Variants in EIF4E3 observed in about 807,000 individuals in gnomAD.
The protein encoded by EIF4E3 is eukaryotic translation initiation factor 4E family member 3, also known as eukaryotic translation initiation factor 4E type 3.
Under a neutral mutation model 31.7 loss-of-function variants are expected in EIF4E3, and 26 were observed. That is an observed-to-expected ratio of 0.82 (90% confidence interval 0.60 to 1.14). The LOEUF is 1.14. Ranked by LOEUF, EIF4E3 falls within the 50% of genes most tolerant of loss-of-function variation. EIF4E3 has a pLI of 0.00. For missense variants in EIF4E3, 304 were observed against 270.9 expected (o/e 1.12, Z -0.86); for synonymous variants, 128 against 107.7 (o/e 1.19, Z -1.17).
At chr3:71,699,834 T>G (rs2049190184) in intron 2 of EIF4E3, 126 bp from the exon 3 acceptor site, 1 of 720,402 alleles carries the variant, frequency 1.4e-6, no homozygotes, top group South Asian at 1.9e-5. Context: ...CAAAATAGAT[T>G]TTTCTCAGTA....
At chr3:71,732,548 C>T (rs1303996842) in intron 1 of EIF4E3, among the ~76,000 whole-genome samples, 2 of 152,208 alleles carry the variant, frequency 1.3e-5, no homozygotes, top group Admixed American at 6.5e-5. Context: ...CTGTTAGGCA[C>T]ACAGATTATT....
intron 1 of EIF4E3, among the ~76,000 whole-genome samples, chr3:71,751,009 G>A (rs992367820): frequency 1.3e-5 from 2 of 151,808 alleles, no homozygotes; most frequent in African/African-American, 4.8e-5. Context: ...TGATCCACCC[G>A]CCTCGGCCTC....
chr3:71,701,418 T>C (rs1223693436), intron 2 of EIF4E3, among the ~76,000 whole-genome samples: 1 of 152,148 alleles, frequency 6.6e-6, no homozygotes, highest in Admixed American at 6.5e-5. Context: ...GTATGACCAT[T>C]AGGATTAGGA....
chr3:71,684,282 T>C lies in EIF4E3; in HGVS notation c.*400A>G, dbSNP rs2048960285. 1 of 180,490 alleles carries C rather than the reference T, an allele frequency of 5.5e-6. No homozygotes were observed. The allele number at this position is 180,490 out of a possible 1,614,324, so 11.2% of individuals were successfully genotyped here. A position where few individuals can be genotyped will look rare whatever the true frequency, so the allele number is the denominator to read the frequency against. On this transcript the variant is annotated 3_prime_UTR_variant, in exon 7 of 7. Transcript: ENST00000425534. ...GCAGTATTGTCACGATTATGCATAT[T>C]CTCATTAACTAGGTACAGCAGAGCT...
upstream of EIF4E3, among the ~76,000 whole-genome samples, chr3:71,729,798 A>ATGTGCGTGTG (rs2049683546): frequency 7.7e-6 from 1 of 129,692 alleles, no homozygotes. Context: ...TTCCAATAGA[A>ATGTGCGTGTG]TGTGTGTGTG....
At chr3:71,689,766 T>C (rs2049037307) in intron 6 of EIF4E3, among the ~76,000 whole-genome samples, 1 of 152,000 alleles carries the variant, frequency 6.6e-6, no homozygotes, top group South Asian at 2.1e-4. Context: ...AAATAACAAA[T>C]ACAATATTTG....
the EIF4E3 span, among the ~76,000 whole-genome samples, chr3:71,661,865 T>C: frequency 0.024 from 3,636 of 152,270 alleles, 167 homozygotes; most frequent in African/African-American, 0.078. Flanking sequence ...AGGTGCTCAA[T>C]AAGTATACAG....
At position 71,682,188 on chromosome 3, in the gene EIF4E3, T is replaced by C. The variant is rs923179490; in HGVS notation, c.*2494A>G. 1.3e-5 allele frequency: 2 copies of C among 152,212 alleles called. No individual in the cohort carries two copies. Among genetic ancestry groups the C allele is most frequent in the African/African-American group, 4.8e-5 (2 of 41,468 alleles). 9.4% of individuals were successfully genotyped at this position (152,212 alleles called of 1,614,324 possible). Reference sequence around the variant, plus strand: ...TGGGAGAATAAAAAGCATATTAGTTTCAATCAGATTTCCTGGCATATATCA... The same window carrying C: ...TGGGAGAATAAAAAGCATATTAGTTCCAATCAGATTTCCTGGCATATATCA... On this transcript the variant is annotated 3_prime_UTR_variant, in exon 7 of 7. Coordinates refer to ENST00000425534, the MANE Select transcript of EIF4E3 (RefSeq NM_001134651.2).
Position 71,679,088 on chromosome 3 carries a change from A to G in EIF4E3, c.*5594T>C, listed in dbSNP as rs772643005. The G allele has an allele frequency of 2.6e-5, 4 of 152,222 alleles. No homozygotes were observed. The highest frequency in any genetic ancestry group is 4.4e-5 in the Non-Finnish European group (3 of 68,034). The allele number at this position is 152,222 out of a possible 1,614,324, so 9.4% of individuals were successfully genotyped here. ...GAATTTAATGTATATCCACAGCATC[A>G]ATACCTCTATTTGAAAACAGAAACA... On this transcript the variant is annotated 3_prime_UTR_variant, in exon 7 of 7. Coordinates refer to ENST00000425534, the MANE Select transcript of EIF4E3 (RefSeq NM_001134651.2).
At position 71,676,452 on chromosome 3, in the gene EIF4E3, C is replaced by A. The variant is rs2048875836; in HGVS notation, c.*8230G>T. 1 of 152,056 alleles carries A rather than the reference C, an allele frequency of 6.6e-6. No individual in the cohort carries two copies. Among genetic ancestry groups the A allele is most frequent in the African/African-American group, 2.4e-5 (1 of 41,380 alleles). The allele number at this position is 152,056 out of a possible 1,614,324, so 9.4% of individuals were successfully genotyped here. A position where few individuals can be genotyped will look rare whatever the true frequency, so the allele number is the denominator to read the frequency against. On this transcript the variant is annotated 3_prime_UTR_variant, in exon 7 of 7. Coordinates refer to ENST00000425534, the MANE Select transcript of EIF4E3 (RefSeq NM_001134651.2). ...CATTTGTTTTGTGTGGTTTTCTGTACCTTTATTTTACAATAAAAAGGTTTT... is the reference window on the plus strand; with the variant it reads ...CATTTGTTTTGTGTGGTTTTCTGTAACTTTATTTTACAATAAAAAGGTTTT...
intron 2 of EIF4E3, among the ~76,000 whole-genome samples, chr3:71,702,394 C>A (rs1008775076): frequency 2.6e-5 from 4 of 152,178 alleles, no homozygotes; most frequent in African/African-American, 9.7e-5. Context: ...AACCAAAGTT[C>A]CTGCCGTCAT....
chr3:71,688,329 A>G (rs1012610105), intron 6 of EIF4E3, among the ~76,000 whole-genome samples: 2 of 152,202 alleles, frequency 1.3e-5, no homozygotes, highest in African/African-American at 4.8e-5. Flanking sequence ...TTATTATCTG[A>G]TAAAACAGAT....
At chr3:71,666,012 C>G in the EIF4E3 span, among the ~76,000 whole-genome samples, 6 of 152,026 alleles carry the variant, frequency 3.9e-5, no homozygotes, top group Non-Finnish European at 8.8e-5. Context: ...GACCTAAAAT[C>G]GACACCCTAA....
At position 71,723,559 on chromosome 3, in the gene EIF4E3, G is replaced by A. The variant is rs2049583147; in HGVS notation, c.176+1633C>T. 1.3e-5 allele frequency among the ~76,000 whole-genome samples: 2 copies of A among 152,118 alleles called. 1 individual carries two copies. The highest frequency in any genetic ancestry group is 4.1e-4 in the South Asian group (2 of 4,826). On this transcript the variant is annotated intron_variant, in intron 1 of 6. Transcript: ENST00000425534. ...AAAAGATTGTGTTATCTGTAGTATT[G>A]ACATTTTAGACCAGTCCTTAAAAGT...
At position 71,696,340 on chromosome 3, in the gene EIF4E3, C is replaced by T. The variant is rs904268191; in HGVS notation, c.405+120G>A. ...TCAAGGTCAGAACAGAATTTCTCAC[C>T]CCCAGCCTGTTTGGGGACTGCCAGG... is the stretch of plus-strand genomic sequence containing the variant. On this transcript the variant is annotated intron_variant, in intron 4 of 6. Transcript: ENST00000425534. 9.8e-6 allele frequency: 10 copies of T among 1,020,608 alleles called. No individual in the cohort carries two copies. The South Asian group carries it at 1.0e-4, about 10-fold the overall frequency. The allele number at this position is 1,020,608 out of a possible 1,614,324, so 63.2% of individuals were successfully genotyped here. A position where few individuals can be genotyped will look rare whatever the true frequency, so the allele number is the denominator to read the frequency against.
At chr3:71,713,999 T>C (rs1042876471) in intron 1 of EIF4E3, among the ~76,000 whole-genome samples, 2 of 151,954 alleles carry the variant, frequency 1.3e-5, no homozygotes, top group Non-Finnish European at 2.9e-5. Flanking sequence ...TCACCTGAGG[T>C]CAGGTGTTCG....
rs541633119 is a variant in EIF4E3 at position 71,715,090 on chromosome 3, T to C, written c.177-4606A>G. Among the ~76,000 whole-genome samples the C allele has an allele frequency of 5.3e-5, 8 of 152,358 alleles. No homozygotes were observed. In the East Asian group the frequency reaches 1.2e-3, roughly 22 times the overall value. ...AGTGATGTTGCACCCCAGAAGAGACTTGGCAATATCTGAAGACATTTTTGG... is the reference window on the plus strand; with the variant it reads ...AGTGATGTTGCACCCCAGAAGAGACCTGGCAATATCTGAAGACATTTTTGG... On this transcript the variant is annotated intron_variant, in intron 1 of 6. Transcript: ENST00000425534.
chr3:71,753,969 G>C (rs1264913138), upstream of EIF4E3: 6 of 1,036,600 alleles, frequency 5.8e-6, no homozygotes, highest in Admixed American at 3.4e-4. Context: ...GCGGAGCGGC[G>C]GAGCTCGGGC....
At chr3:71,664,235 C>A in the EIF4E3 span, among the ~76,000 whole-genome samples, 1 of 152,124 alleles carries the variant, frequency 6.6e-6, no homozygotes, top group South Asian at 2.1e-4. Flanking sequence ...ACTTAGGATA[C>A]CACACAAAAC....
Sources: gnomAD v4.1 joint callset for allele counts (sites outside exome capture counted in the v4.1 genomes callset) on GRCh38, gnomAD v4.1.1 for gene constraint, MANE v1.5 for transcripts, NCBI Gene and HGNC (gene_info 2026-07-23, HGNC 2026-07-21) for gene names.